Variants in RORA observed in about 807,000 individuals in gnomAD.
RORA encodes nuclear receptor ROR-alpha.
Under a neutral mutation model 69.5 loss-of-function variants are expected in RORA, and 7 were observed. The observed-to-expected ratio is 0.10, with a 90% CI of 0.06 to 0.19. The LOEUF (loss-of-function observed/expected upper bound fraction) is 0.19. Among genes scored for constraint, RORA ranks in the 10% least tolerant of loss-of-function variants. The probability of loss-of-function intolerance (pLI) is 1.00; values close to 1 mark genes in which losing one functional copy is unlikely to be tolerated. For missense variants in RORA, 457 were observed against 663.0 expected, an observed-to-expected ratio of 0.69 and a Z score of 3.41; for synonymous variants, 261 against 240.8, an observed-to-expected ratio of 1.08 and a Z score of -0.78.
At position 61,210,163 on chromosome 15, in the gene RORA, A is replaced by T. The variant is rs73434701; in HGVS notation, c.166+18890T>A. Among the ~76,000 whole-genome samples the T allele has an allele frequency of 5.6e-3, 852 of 152,322 alleles. 4 individuals carry two copies. Among genetic ancestry groups the T allele is most frequent in the African/African-American group, 0.019 (777 of 41,564 alleles). The stretch of plus-strand genomic sequence containing the variant: ...TAGATGTTAAAATGTGCAGTTAACA[A>T]GGAAGGGCAGAGCTTCACTAACCAG... On this transcript the variant is annotated intron_variant, in intron 1 of 10. Coordinates refer to ENST00000335670, the MANE Select transcript of RORA (RefSeq NM_134261.3).
intron 1 of RORA, among the ~76,000 whole-genome samples, chr15:60,883,787 G>C (rs1031179002): frequency 6.6e-6 from 1 of 152,150 alleles, no homozygotes; most frequent in African/African-American, 2.4e-5. Flanking sequence ...AAGTAAAAAA[G>C]AAAAATGGAG....
chr15:61,122,803 G>T (rs1044151901), intron 1 of RORA, among the ~76,000 whole-genome samples: 1 of 152,146 alleles, frequency 6.6e-6, no homozygotes, highest in Non-Finnish European at 1.5e-5. Context: ...GTCCTGATTT[G>T]CTCTAAATGT....
intron 1 of RORA, among the ~76,000 whole-genome samples, chr15:60,730,860 T>TA (rs1040911830): frequency 6.6e-6 from 1 of 152,158 alleles, no homozygotes; most frequent in African/African-American, 2.4e-5. Context: ...AAAAGAATTT[T>TA]TTTTTTTTTT....
chr15:60,792,078 T>C (rs572028099), intron 1 of RORA, among the ~76,000 whole-genome samples: 140 of 152,220 alleles, frequency 9.2e-4, no homozygotes, highest in South Asian at 2.1e-3. Flanking sequence ...TGAACAGATA[T>C]GGGACTTCAG....
At chr15:61,179,375 A>G (rs960761053) in intron 1 of RORA, among the ~76,000 whole-genome samples, 4 of 152,258 alleles carry the variant, frequency 2.6e-5, no homozygotes, top group African/African-American at 9.6e-5. Context: ...TAAGCCAGAC[A>G]TAAAAGAGAT....
At chr15:60,517,987 A>C (rs929466617) in intron 3 of RORA, among the ~76,000 whole-genome samples, 4 of 152,126 alleles carry the variant, frequency 2.6e-5, no homozygotes, top group African/African-American at 9.7e-5. Context: ...TCCACCTTGC[A>C]TATTTCTTCT....
At chr15:60,702,421 G>A (rs1326370596) in intron 1 of RORA, among the ~76,000 whole-genome samples, 1 of 151,862 alleles carries the variant, frequency 6.6e-6, no homozygotes, top group Non-Finnish European at 1.5e-5. Context: ...CAGTAGAGAT[G>A]GGGTTTTGCC....
intron 1 of RORA, among the ~76,000 whole-genome samples, chr15:61,113,339 G>C (rs567183561): frequency 1.6e-4 from 25 of 152,176 alleles, no homozygotes; most frequent in Non-Finnish European, 3.5e-4. Context: ...CAGTAGGTGG[G>C]GGCCAAGACA....
intron 4 of RORA, among the ~76,000 whole-genome samples, chr15:60,513,269 T>TAA (rs1172049780): frequency 1.3e-5 from 2 of 152,250 alleles, no homozygotes; most frequent in African/African-American, 4.8e-5. Context: ...CATAATTTCT[T>TAA]AACCTCCAGA....
At chr15:60,515,423 CTCA>C (rs3053830) in intron 3 of RORA, among the ~76,000 whole-genome samples, 78,327 of 151,658 alleles carry the variant, frequency 0.52, 22,079 homozygotes, top group East Asian at 0.85. Flanking sequence ...CAGTCCAATG[CTCA>C]TCAAGTTCCT....
Position 60,547,699 on chromosome 15 carries a change from G to A in RORA, c.197-15848C>T, listed in dbSNP as rs2067115925. 2.0e-5 allele frequency: 3 copies of A among 149,640 alleles called. No individual in the cohort carries two copies. In the South Asian group the frequency reaches 6.3e-4, roughly 32 times the overall value. The allele number at this position is 149,640 out of a possible 1,614,324, so 9.3% of individuals were successfully genotyped here. ...ACCTTTTTCAGCATATTAACTATTG[G>A]TTGTTTTCAAATATCAAGCTCACTT... is the stretch of plus-strand genomic sequence containing the variant. On this transcript the variant is annotated intron_variant, in intron 2 of 10. Coordinates refer to ENST00000335670, the MANE Select transcript of RORA (RefSeq NM_134261.3).
chr15:61,160,193 C>A (rs2079482092), intron 1 of RORA, among the ~76,000 whole-genome samples: 2 of 152,208 alleles, frequency 1.3e-5, no homozygotes, highest in Non-Finnish European at 2.9e-5. Flanking sequence ...CAAGAACTGA[C>A]AGGACCTACT....
chr15:60,863,563 T>C (rs2073454383), intron 1 of RORA, among the ~76,000 whole-genome samples: 1 of 152,184 alleles, frequency 6.6e-6, no homozygotes. Context: ...ATGGTGAGGA[T>C]GGTTTTTTGT....
At chr15:60,695,926 G>T (rs1458361609) in intron 1 of RORA, among the ~76,000 whole-genome samples, 7 of 152,236 alleles carry the variant, frequency 4.6e-5, no homozygotes, top group Non-Finnish European at 8.8e-5. Flanking sequence ...CAGCCGGCAA[G>T]TAATGGCACA....
chr15:60,541,269 T>A (rs1644995790), intron 2 of RORA, among the ~76,000 whole-genome samples: 1 of 152,178 alleles, frequency 6.6e-6, no homozygotes, highest in Non-Finnish European at 1.5e-5. Flanking sequence ...TGGCAAGTTC[T>A]AAGCCTTTCA....
chr15:60,760,855 C>G (rs777888200), intron 1 of RORA, among the ~76,000 whole-genome samples: 6 of 152,032 alleles, frequency 3.9e-5, no homozygotes, highest in Non-Finnish European at 7.4e-5. Flanking sequence ...CAGACAGACA[C>G]ACACACACAC....
intron 1 of RORA, among the ~76,000 whole-genome samples, chr15:60,996,535 T>C (rs12595788): frequency 0.24 from 35,859 of 152,180 alleles, 4,553 homozygotes; most frequent in East Asian, 0.39. Context: ...TCTACACCAG[T>C]ACAATGAAGT....
chr15:60,814,430 T>C (rs1383433744), intron 1 of RORA, among the ~76,000 whole-genome samples: 1 of 152,160 alleles, frequency 6.6e-6, no homozygotes, highest in Non-Finnish European at 1.5e-5. Flanking sequence ...AATTAAGCCT[T>C]ATTCTACTGT....
chr15:61,060,031 G>GAAA (rs1347147914), intron 1 of RORA, among the ~76,000 whole-genome samples: 6 of 143,256 alleles, frequency 4.2e-5, no homozygotes, highest in African/African-American at 1.6e-4. Context: ...AGAAGAAGAA[G>GAAA]AAGAAGAAGA....
Sources: gnomAD v4.1 joint callset for allele counts (sites outside exome capture counted in the v4.1 genomes callset) on GRCh38, gnomAD v4.1.1 for gene constraint, MANE v1.5 for transcripts, NCBI Gene and HGNC (gene_info 2026-07-23, HGNC 2026-07-21) for gene names.